ANKFN1: variants seen among roughly 807,000 people sequenced by gnomAD.
ANKFN1 encodes ankyrin repeat and fibronectin type III domain containing 1, also known as ankyrin repeat and fibronectin type-III domain-containing protein 1.
A neutral mutation model predicts 108.7 loss-of-function variants in ANKFN1; 74 were observed. The ratio of observed to expected loss-of-function variants is 0.68; its 90% CI spans 0.56 to 0.83. The LOEUF is 0.83. ANKFN1 is among the 40% of genes least tolerant of loss of function. The pLI is 0.00. For synonymous variants in ANKFN1, 547 were observed against 516.2 expected, an observed-to-expected ratio of 1.06 and a Z score of -0.81; for missense variants, 1,505 against 1,382.3, an observed-to-expected ratio of 1.09 and a Z score of -1.41.
intron 3 of ANKFN1, among the ~76,000 whole-genome samples, chr17:56,229,363 T>C (rs1227535611): frequency 6.6e-6 from 1 of 152,122 alleles, no homozygotes; most frequent in Non-Finnish European, 1.5e-5. Context: ...TTTGACTGTA[T>C]TATTTCTTTT....
At chr17:56,369,375 G>C (rs2046750299) in intron 6 of ANKFN1, among the ~76,000 whole-genome samples, 1 of 151,922 alleles carries the variant, frequency 6.6e-6, no homozygotes. Context: ...GAATGGGCTT[G>C]AAACATTATA....
intron 4 of ANKFN1, among the ~76,000 whole-genome samples, chr17:56,133,163 C>A (rs538673670): frequency 7.9e-5 from 12 of 152,312 alleles, no homozygotes; most frequent in African/African-American, 2.9e-4. Context: ...GATATCGACT[C>A]ATTTCTGTCA....
At chr17:56,089,480 A>T (rs1905375028) in intron 4 of ANKFN1, among the ~76,000 whole-genome samples, 1 of 151,496 alleles carries the variant, frequency 6.6e-6, no homozygotes, top group African/African-American at 2.4e-5. Flanking sequence ...ACAGTTCTAA[A>T]GTGCTACTTT....
chr17:56,203,869 T>TA (rs1479625719), intron 1 of ANKFN1, among the ~76,000 whole-genome samples: 2 of 151,998 alleles, frequency 1.3e-5, no homozygotes, highest in Non-Finnish European at 1.5e-5. Context: ...CTATTTTTAT[T>TA]AAAAAAAGAT....
chr17:56,354,725 G>T (rs1056811294), intron 6 of ANKFN1, among the ~76,000 whole-genome samples: 2 of 151,994 alleles, frequency 1.3e-5, no homozygotes, highest in Non-Finnish European at 2.9e-5. Context: ...TGTAATTTCT[G>T]CTTCTATGAT....
chr17:56,103,947 A>T (rs1905695177), intron 4 of ANKFN1, among the ~76,000 whole-genome samples: 2 of 152,200 alleles, frequency 1.3e-5, no homozygotes, highest in Non-Finnish European at 2.9e-5. Context: ...AAGGAGGGAT[A>T]TTCTTGGCAA....
At chr17:56,423,716 A>G (rs147788332) in intron 8 of ANKFN1, among the ~76,000 whole-genome samples, 38 of 152,176 alleles carry the variant, frequency 2.5e-4, no homozygotes, top group African/African-American at 8.7e-4. Context: ...CCCTTATCCC[A>G]TCTTCCTCCC....
intron 3 of ANKFN1, among the ~76,000 whole-genome samples, chr17:56,268,329 C>T (rs567554778): frequency 1.4e-4 from 22 of 152,224 alleles, no homozygotes; most frequent in Non-Finnish European, 2.8e-4. Flanking sequence ...CCTGAATGAC[C>T]TTTGGGTAAA....
At chr17:56,485,973 A>C (rs757651869) in intron 18 of ANKFN1, among the ~76,000 whole-genome samples, 14 of 152,216 alleles carry the variant, frequency 9.2e-5, no homozygotes, top group Non-Finnish European at 1.6e-4. Context: ...TTTAAGTAGT[A>C]TTGCCTATGA....
chr17:56,273,805 C>T (rs2144196444), intron 3 of ANKFN1, among the ~76,000 whole-genome samples: 1 of 152,236 alleles, frequency 6.6e-6, no homozygotes, highest in Non-Finnish European at 1.5e-5. Flanking sequence ...ATCTTCAGAA[C>T]TATATAGTAA....
At chr17:56,399,511 G>A (rs1024860054) in intron 8 of ANKFN1, among the ~76,000 whole-genome samples, 2 of 151,528 alleles carry the variant, frequency 1.3e-5, no homozygotes, top group Admixed American at 1.3e-4. Context: ...AGTTATTGGG[G>A]TACAGGTGGT....
At chr17:56,164,695 G>T (rs967775546) in intron 1 of ANKFN1, among the ~76,000 whole-genome samples, 3 of 152,134 alleles carry the variant, frequency 2.0e-5, no homozygotes, top group East Asian at 1.9e-4. Context: ...GTTGAAAATT[G>T]TCTGTGACCT....
chr17:56,484,093 T>G (rs2050787831), intron 18 of ANKFN1, among the ~76,000 whole-genome samples: 1 of 152,116 alleles, frequency 6.6e-6, no homozygotes, highest in African/African-American at 2.4e-5. Flanking sequence ...AAAGAAAACC[T>G]TTCTTGTTGG....
intron 4 of ANKFN1, among the ~76,000 whole-genome samples, chr17:56,068,501 T>A (rs562021757): frequency 6.6e-6 from 1 of 152,246 alleles, no homozygotes; most frequent in Non-Finnish European, 1.5e-5. Flanking sequence ...TGTCTCCCAC[T>A]GACTGAGCTA....
intron 20 of ANKFN1, among the ~76,000 whole-genome samples, chr17:56,504,829 ATTTT>A (rs5821133): frequency 6.9e-5 from 8 of 116,462 alleles, no homozygotes; most frequent in Non-Finnish European, 8.8e-5. Context: ...TAATTTTTGG[ATTTT>A]TTTTTTTTTT....
At chr17:56,109,520 A>G (rs769653525) in intron 4 of ANKFN1, among the ~76,000 whole-genome samples, 2 of 152,120 alleles carry the variant, frequency 1.3e-5, no homozygotes, top group African/African-American at 2.4e-5. Context: ...GGAAGCAAAA[A>G]TCACCCCTGG....
intron 4 of ANKFN1, among the ~76,000 whole-genome samples, chr17:56,084,314 G>T (rs1009122716): frequency 6.8e-6 from 1 of 147,450 alleles, no homozygotes; most frequent in Non-Finnish European, 1.5e-5. Flanking sequence ...CCAAGAATGG[G>T]GTACTGGGAA....
intron 4 of ANKFN1, among the ~76,000 whole-genome samples, chr17:56,132,103 T>C (rs1001773219): frequency 1.2e-4 from 18 of 152,232 alleles, no homozygotes; most frequent in Non-Finnish European, 2.5e-4. Flanking sequence ...TCGTGATTTC[T>C]TTTTAATTTG....
At chr17:56,302,880 G>A (rs1250433264) in intron 3 of ANKFN1, among the ~76,000 whole-genome samples, 2 of 152,100 alleles carry the variant, frequency 1.3e-5, no homozygotes, top group Non-Finnish European at 1.5e-5. Context: ...ATAGCTGCAT[G>A]GTATTCTATT....
Sources: allele counts gnomAD v4.1 joint callset (sites outside exome capture counted in the v4.1 genomes callset), GRCh38; gene constraint gnomAD v4.1.1; transcripts MANE v1.5; gene names NCBI Gene and HGNC (gene_info 2026-07-23, HGNC 2026-07-21).